The following TTLL9 variants were observed in gnomAD, a reference collection of about 807,000 sequenced individuals.
TTLL9 encodes tubulin tyrosine ligase like 9, also known as probable tubulin polyglutamylase TTLL9.
TTLL9 carries 47 observed loss-of-function variants against 65.6 expected under a neutral mutation model. The ratio of observed to expected loss-of-function variants is 0.72; its 90% CI spans 0.57 to 0.91. The LOEUF is 0.91. TTLL9 is among the 40% of genes least tolerant of loss of function. The pLI is 0.00. For synonymous variants in TTLL9, 179 were observed against 204.8 expected (o/e 0.87, Z 1.07); for missense variants, 537 against 568.8 (o/e 0.94, Z 0.57).
chr20:31,889,132 A>G (rs6119737), intron 3 of TTLL9, among the ~76,000 whole-genome samples: 1,586 of 152,204 alleles, frequency 0.01, 23 homozygotes, highest in African/African-American at 0.036. Flanking sequence ...TATGTGTTCC[A>G]CTACCAGTAA....
Position 31,943,067 on chromosome 20 carries a change from G to C in TTLL9, c.*46G>C, listed in dbSNP as rs764099104. The C allele has an allele frequency of 1.0e-5, 16 of 1,565,666 alleles. No homozygotes were observed. In the Admixed American group the frequency reaches 2.3e-4, roughly 23 times the overall value. The stretch of plus-strand genomic sequence containing the variant: ...ATCAGCCTTAGCAGGTGCCACCCAG[G>C]CCTCCCCCCCACTCCCAGATCCCAG... On this transcript the variant is annotated 3_prime_UTR_variant, in exon 15 of 15. Coordinates refer to ENST00000535842, the MANE Select transcript of TTLL9 (RefSeq NM_001008409.5).
At chr20:31,923,123 C>A in intron 8 of TTLL9, 70 bp downstream of exon 8, 1 of 1,274,182 alleles carries the variant, frequency 7.8e-7, no homozygotes, top group Non-Finnish European at 1.1e-6. Context: ...CAAGCTTTGA[C>A]CAGCAGCCTG....
intron 3 of TTLL9, among the ~76,000 whole-genome samples, chr20:31,894,593 A>G (rs1363319220): frequency 7.9e-5 from 12 of 152,000 alleles, no homozygotes; most frequent in Admixed American, 5.2e-4. Flanking sequence ...TGCATGTGTT[A>G]TATTTTTAGA....
At chr20:31,917,465 T>A (rs778574609) in intron 6 of TTLL9, among the ~76,000 whole-genome samples, 1 of 152,368 alleles carries the variant, frequency 6.6e-6, no homozygotes, top group East Asian at 1.9e-4. Flanking sequence ...GGAGCTATTA[T>A]GATAGTGCTG....
chr20:31,925,134 A>G, intron 9 of TTLL9, 85 bp downstream of exon 9: 1 of 1,387,206 alleles, frequency 7.2e-7, no homozygotes, highest in Non-Finnish European at 1.0e-6. Flanking sequence ...GCCTGGGGGT[A>G]CCTTGTGTGA....
In TTLL9 at chr20:31,870,965, C is replaced by T. The variant is rs987375471; in HGVS notation, c.-6+16C>T. On this transcript the variant is annotated intron_variant, in intron 1 of 14. Transcript: ENST00000535842. The surrounding 1 kb of genome is among the most constrained non-coding windows in gnomAD (Gnocchi z 6.6). ...AACGGGATAAGTGGGTAATTCCTTC[C>T]GATACATCCTCTCCACCCGTGCAGA... The T allele has an allele frequency of 1.4e-5, 10 of 719,154 alleles. No individual in the cohort carries two copies. Among genetic ancestry groups the T allele is most frequent in the East Asian group, 2.5e-5 (1 of 39,954 alleles). The allele number at this position is 719,154 out of a possible 1,614,324, so 44.5% of individuals were successfully genotyped here.
chr20:31,928,824 AATGTTT>A (rs2063954943), intron 10 of TTLL9, among the ~76,000 whole-genome samples: 1 of 152,210 alleles, frequency 6.6e-6, no homozygotes, highest in Non-Finnish European at 1.5e-5. Context: ...TTTAAGGAAG[AATGTTT>A]ATGTTTAAGA....
intron 10 of TTLL9, among the ~76,000 whole-genome samples, chr20:31,929,037 G>C (rs2063959449): frequency 6.6e-6 from 1 of 152,136 alleles, no homozygotes; most frequent in Non-Finnish European, 1.5e-5. Flanking sequence ...CACTGTGCCT[G>C]GCTAACTTGT....
Position 31,908,599 on chromosome 20 carries a change from A to T in TTLL9, c.215A>T (p.Glu72Val). The T allele has an allele frequency of 7.9e-7, 1 of 1,266,104 alleles. No individual in the cohort carries two copies. The highest frequency in any genetic ancestry group is 1.1e-6 in the Non-Finnish European group (1 of 886,028). The allele number at this position is 1,266,104 out of a possible 1,614,324, so 78.4% of individuals were successfully genotyped here. ...PGWVEVKDEG[E>V]WDFYWCDVSW... Reference sequence around the variant, plus strand: ...CCCCACCCCACCCCCAGCGAAGGGGAGTGGGATTTCTACTGGTGTGACGTC... The same window carrying T: ...CCCCACCCCACCCCCAGCGAAGGGGTGTGGGATTTCTACTGGTGTGACGTC... The change falls in exon 5 of 15, where the codon GAG (glutamate) becomes GTG (valine). Residue 72 changes from glutamate to valine, a missense_variant. By Grantham distance (121) the Glu-to-Val change is moderately radical (BLOSUM62 -2). Transcript: ENST00000535842.
intron 12 of TTLL9, among the ~76,000 whole-genome samples, chr20:31,936,398 G>T (rs895546342): frequency 6.6e-6 from 1 of 151,340 alleles, no homozygotes; most frequent in African/African-American, 2.4e-5. Flanking sequence ...TGAGGCCAGG[G>T]GTTCAAGGCT....
At chr20:31,918,243 G>A (rs2063766783) in intron 6 of TTLL9, among the ~76,000 whole-genome samples, 1 of 152,068 alleles carries the variant, frequency 6.6e-6, no homozygotes, top group South Asian at 2.1e-4. Flanking sequence ...AATGCATGAG[G>A]CCAGAAAGGG....
At chr20:31,910,016 T>A in intron 6 of TTLL9, 94 bp downstream of exon 6, 5 of 1,290,750 alleles carry the variant, frequency 3.9e-6, no homozygotes, top group Non-Finnish European at 5.4e-6. Flanking sequence ...AATTCAGCCT[T>A]AGATGCTGTC....
At chr20:31,873,788 G>A (rs1299563636) in intron 2 of TTLL9, among the ~76,000 whole-genome samples, 3 of 113,368 alleles carry the variant, frequency 2.6e-5, no homozygotes, top group Non-Finnish European at 5.5e-5. Context: ...GAAAGAAAAA[G>A]AAAGAAAGGA....
chr20:31,934,868 C>G lies in TTLL9; in HGVS notation c.984C>G (p.Leu328=). ...TCGAGCTGTACGGCTATGACATCCT[C>G]ATCGACCAGGACCTCAAGCCGTAAG... ...HCFELYGYDI[L]IDQDLKPWLL... is the part of the protein sequence containing the mutation. The change falls in exon 12 of 15, where the codon CTC becomes CTG. Residue 328 remains leucine (L), a synonymous_variant. Coordinates refer to ENST00000535842, the MANE Select transcript of TTLL9 (RefSeq NM_001008409.5). 1 of 1,612,752 alleles carries G rather than the reference C, an allele frequency of 6.2e-7. No homozygotes were observed.
At chr20:31,923,467 G>C (rs1018717324) in intron 8 of TTLL9, among the ~76,000 whole-genome samples, 11 of 152,222 alleles carry the variant, frequency 7.2e-5, no homozygotes, top group African/African-American at 2.7e-4. Flanking sequence ...TGGGTGCTAT[G>C]AAGTCAGTCA....
At chr20:31,925,571 TCC>T (rs2063887401) in intron 9 of TTLL9, among the ~76,000 whole-genome samples, 3 of 152,166 alleles carry the variant, frequency 2.0e-5, no homozygotes, top group African/African-American at 7.2e-5. Flanking sequence ...CATTCCTTCA[TCC>T]AGCCAATGTT....
intron 6 of TTLL9, among the ~76,000 whole-genome samples, chr20:31,913,494 CT>C (rs2063687366): frequency 6.6e-6 from 1 of 152,222 alleles, no homozygotes; most frequent in Non-Finnish European, 1.5e-5. Context: ...CATGGTTGAT[CT>C]TTGCCCACCC....
At chr20:31,914,139 A>G (rs2063697766) in intron 6 of TTLL9, among the ~76,000 whole-genome samples, 1 of 152,230 alleles carries the variant, frequency 6.6e-6, no homozygotes, top group African/African-American at 2.4e-5. Flanking sequence ...GAAGAGCCAC[A>G]TTTTAACATT....
intron 10 of TTLL9, among the ~76,000 whole-genome samples, chr20:31,931,287 C>T (rs548377881): frequency 2.2e-4 from 33 of 152,128 alleles, no homozygotes; most frequent in African/African-American, 7.7e-4. Context: ...CTATGTTGCC[C>T]AGGCTGGTCT....
Sources: gnomAD v4.1 joint callset for allele counts (sites outside exome capture counted in the v4.1 genomes callset) on GRCh38, gnomAD v4.1.1 for gene constraint, Gnocchi (gnomAD v3.1) non-coding constraint, MANE v1.5 for transcripts, NCBI Gene and HGNC (gene_info 2026-07-23, HGNC 2026-07-21) for gene names.